TRAPPC4: variants seen among roughly 807,000 people sequenced by gnomAD.
The protein encoded by TRAPPC4 is TRS23 homolog.
TRAPPC4 carries 30 observed loss-of-function variants against 23.5 expected under a neutral mutation model. The ratio of observed to expected loss-of-function variants is 1.28; its 90% CI spans 0.96 to 1.73. The LOEUF (loss-of-function observed/expected upper bound fraction) is 1.73, where lower values mean the gene tolerates loss of function less well. Ranked by LOEUF, TRAPPC4 falls within the 40% of genes most tolerant of loss-of-function variation. The probability of loss-of-function intolerance (pLI) is 0.00; values close to 1 mark genes in which losing one functional copy is unlikely to be tolerated. For synonymous variants in TRAPPC4, 129 were observed against 105.3 expected (o/e 1.23, Z -1.38); for missense variants, 252 against 268.9 (o/e 0.94, Z 0.44).
chr11:119,023,485 C>A lies in TRAPPC4; in HGVS notation c.*86C>A. On this transcript the variant is annotated 3_prime_UTR_variant, in exon 5 of 5. Coordinates refer to ENST00000533632, the MANE Select transcript of TRAPPC4 (RefSeq NM_016146.6). ...ACACTCCAGTGGAAATCCCAGCAGC[C>A]TTGTTAGTGCACTTGAAAGTGGGAG... 1 of 1,285,362 alleles carries A rather than the reference C, an allele frequency of 7.8e-7. No homozygotes were observed. The highest frequency in any genetic ancestry group is 1.1e-6 in the Non-Finnish European group (1 of 885,268). The allele number at this position is 1,285,362 out of a possible 1,614,324, so 79.6% of individuals were successfully genotyped here.
At chr11:119,019,017 C>T (rs1943251582) in intron 1 of TRAPPC4, 47 bp downstream of exon 1, 1 of 1,599,132 alleles carries the variant, frequency 6.3e-7, no homozygotes, top group South Asian at 1.1e-5. Flanking sequence ...GGGAGGGCCC[C>T]AGTGCTGTAG....
rs1373866405 is a variant in TRAPPC4 at position 119,019,223 on chromosome 11, C to G, written c.256C>G (p.Leu86Val). The change falls in exon 2 of 5, where the codon CTG (leucine) becomes GTG (valine). Residue 86 changes from leucine (L) to valine (V), a missense_variant. Leu to Val is a conservative substitution (Grantham distance 32). This residue lies in a region of TRAPPC4 where 222 missense variants were observed against 217.8 expected (regional missense o/e 1.02). Transcript: ENST00000533632. ...TADGKEVLEYLGNPANYPVSI... is the reference protein window; with the variant it reads ...TADGKEVLEYVGNPANYPVSI... The stretch of plus-strand genomic sequence containing the variant: ...CGACGGGAAAGAGGTGCTGGAGTAT[C>G]TGGGTAACCCTGCTAATTACCCGGT... The G allele has an allele frequency of 1.9e-6, 3 of 1,614,220 alleles. No individual in the cohort carries two copies.
chr11:119,022,263 C>T (rs1021927367), intron 4 of TRAPPC4, among the ~76,000 whole-genome samples: 5 of 152,136 alleles, frequency 3.3e-5, no homozygotes, highest in East Asian at 1.9e-4. Context: ...GGATTACAGG[C>T]GTGAGCCACT....
At chr11:119,020,112 CTCCT>C in intron 2 of TRAPPC4, 34 bp from the exon 3 acceptor site, 1 of 1,512,776 alleles carries the variant, frequency 6.6e-7, no homozygotes, top group Non-Finnish European at 9.2e-7. Context: ...TTGAGAAGCA[CTCCT>C]TCCTTAGAGC....
chr11:119,020,232 C>A lies in TRAPPC4; in HGVS notation c.433C>A (p.His145Asn), dbSNP rs1943314743. 1 of 1,613,398 alleles carries A rather than the reference C, an allele frequency of 6.2e-7. No individual in the cohort carries two copies. The highest frequency in any genetic ancestry group is 2.2e-5 in the East Asian group (1 of 44,886). ...GCTGGAGACAGACACATTCAAATTG[C>A]ACTGCTACCAGACACTGACAGGTAT... Reference protein sequence around the residue: ...EMLETDTFKLHCYQTLTGIKF... With the variant: ...EMLETDTFKLNCYQTLTGIKF... Residue 145 changes from histidine (H) to asparagine (N), a missense_variant, in exon 3 of 5, where the codon CAC becomes AAC. This residue lies in a region of TRAPPC4 where 222 missense variants were observed against 217.8 expected (regional missense o/e 1.02). Coordinates refer to ENST00000533632, the MANE Select transcript of TRAPPC4 (RefSeq NM_016146.6).
intron 3 of TRAPPC4, chr11:119,021,090 T>G (rs991753491): frequency 1.3e-5 from 2 of 152,348 alleles, no homozygotes; most frequent in African/African-American, 4.8e-5. Context: ...GGTTTCACCA[T>G]GTTGGCCAGG....
chr11:119,019,487 G>GC (rs1943276394), intron 2 of TRAPPC4, 170 bp downstream of exon 2: 1 of 697,128 alleles, frequency 1.4e-6, no homozygotes, highest in African/African-American at 1.8e-5. Flanking sequence ...AGTTACCCAG[G>GC]CTGGAGCGCA....
intron 4 of TRAPPC4, among the ~76,000 whole-genome samples, 192 bp downstream of exon 4, chr11:119,022,078 G>A (rs1404265690): frequency 1.3e-5 from 2 of 152,136 alleles, no homozygotes; most frequent in African/African-American, 4.8e-5. Flanking sequence ...TCTGCCTCCC[G>A]GGTTCAAGCG....
intron 4 of TRAPPC4, chr11:119,022,960 T>G (rs1430174945): frequency 0.13 from 15,088 of 116,204 alleles, 902 homozygotes; most frequent in Middle Eastern, 0.27. Context: ...TGTTGATGTT[T>G]TTTTTTTTTT....
intron 2 of TRAPPC4, 111 bp from the exon 3 acceptor site, chr11:119,020,039 T>A: frequency 3.0e-6 from 2 of 674,568 alleles, no homozygotes; most frequent in Admixed American, 5.0e-5. Flanking sequence ...TCACACTACT[T>A]CTCCTGACTG....
In TRAPPC4 at chr11:119,023,488, G is replaced by A; in HGVS notation, c.*89G>A. On this transcript the variant is annotated 3_prime_UTR_variant, in exon 5 of 5. Transcript: ENST00000533632. The stretch of plus-strand genomic sequence containing the variant: ...CTCCAGTGGAAATCCCAGCAGCCTT[G>A]TTAGTGCACTTGAAAGTGGGAGAAT... 7.9e-7 allele frequency: 1 copy of A among 1,270,000 alleles called. No homozygotes were observed. Among genetic ancestry groups the A allele is most frequent in the Non-Finnish European group, 1.1e-6 (1 of 871,682 alleles). The allele number at this position is 1,270,000 out of a possible 1,614,324, so 78.7% of individuals were successfully genotyped here.
At position 119,023,452 on chromosome 11, in the gene TRAPPC4, T is replaced by G. The variant is rs1187199037; in HGVS notation, c.*53T>G. The G allele has an allele frequency of 6.5e-7, 1 of 1,540,334 alleles. No individual in the cohort carries two copies. The highest frequency in any genetic ancestry group is 9.0e-7 in the Non-Finnish European group (1 of 1,113,294). On this transcript the variant is annotated 3_prime_UTR_variant, in exon 5 of 5. Coordinates refer to ENST00000533632, the MANE Select transcript of TRAPPC4 (RefSeq NM_016146.6). ...CTGAGAGTTCCTGCAACAAGAATAC[T>G]GCTGTTGACACTCCAGTGGAAATCC... is the stretch of plus-strand genomic sequence containing the variant.
intron 3 of TRAPPC4, 177 bp downstream of exon 3, chr11:119,020,430 T>A: frequency 4.0e-6 from 1 of 252,652 alleles, no homozygotes; most frequent in Non-Finnish European, 7.5e-6. Context: ...GGCACAATTC[T>A]TTTTTTTTTT....
rs902579275 is a variant in TRAPPC4, at chr11:119,019,445, A to G, written c.350+128A>G. 1.0e-5 allele frequency: 11 copies of G among 1,073,378 alleles called. No homozygotes were observed. In the African/African-American group the frequency reaches 1.5e-4, roughly 15 times the overall value. 66.5% of individuals were successfully genotyped at this position (1,073,378 alleles called of 1,614,324 possible). ...TTTAGGTAATAACGGCAGTGGTGTC[A>G]TCTTTTTTTGCTGGGTGGGGAGGGG... On this transcript the variant is annotated intron_variant, in intron 2 of 4. Coordinates refer to ENST00000533632, the MANE Select transcript of TRAPPC4 (RefSeq NM_016146.6).
intron 4 of TRAPPC4, 122 bp downstream of exon 4, chr11:119,022,008 G>A: frequency 7.7e-7 from 1 of 1,299,806 alleles, no homozygotes; most frequent in Non-Finnish European, 1.1e-6. Context: ...TTTTGAGACG[G>A]AGTTTCGCTC....
intron 2 of TRAPPC4, 109 bp downstream of exon 2, chr11:119,019,426 T>A: frequency 8.2e-7 from 1 of 1,224,312 alleles, no homozygotes; most frequent in Non-Finnish European, 1.1e-6. Flanking sequence ...AGATTTTAGG[T>A]AATAACGGCA....
chr11:119,020,390 G>A, intron 3 of TRAPPC4, 137 bp downstream of exon 3: 1 of 646,996 alleles, frequency 1.5e-6, no homozygotes, highest in South Asian at 1.7e-5. Context: ...GACACCTTTG[G>A]TAAGCAAGAA....
chr11:119,020,418 C>A, intron 3 of TRAPPC4, 165 bp downstream of exon 3: 1 of 574,368 alleles, frequency 1.7e-6, no homozygotes, highest in Non-Finnish European at 3.1e-6. Flanking sequence ...TGTGCTTTTC[C>A]TGGCACAATT....
Position 119,023,520 on chromosome 11 carries a change from C to T in TRAPPC4, c.*121C>T, listed in dbSNP as rs1423597729. The T allele has an allele frequency of 1.1e-6, 1 of 879,560 alleles. No individual in the cohort carries two copies. The highest frequency in any genetic ancestry group is 1.7e-5 in the African/African-American group (1 of 60,130). 54.5% of individuals were successfully genotyped at this position (879,560 alleles called of 1,614,324 possible). A position where few individuals can be genotyped will look rare whatever the true frequency, so the allele number is the denominator to read the frequency against. ...CACTTGAAAGTGGGAGAATGCTGAC[C>T]CTGATGACTTGTACTGATTCCTGAG... On this transcript the variant is annotated 3_prime_UTR_variant, in exon 5 of 5. Transcript: ENST00000533632.
Sources: gnomAD v4.1 joint callset for allele counts (sites outside exome capture counted in the v4.1 genomes callset) on GRCh38, gnomAD v4.1.1 for gene constraint, gnomAD v4.1.1 regional missense constraint, MANE v1.5 for transcripts, NCBI Gene and HGNC (gene_info 2026-07-23, HGNC 2026-07-21) for gene names.